Variants in DCHS2 observed in about 807,000 individuals in gnomAD.
The protein encoded by DCHS2 is dachsous cadherin-related 2.
A neutral mutation model predicts 182.4 loss-of-function variants in DCHS2; 142 were observed. The observed-to-expected ratio is 0.78, with a 90% CI of 0.68 to 0.89. The LOEUF is 0.89. DCHS2 is among the 40% of genes least tolerant of loss of function. DCHS2 has a pLI of 0.00. For synonymous variants in DCHS2, 1,740 were observed against 1,663.3 expected, an observed-to-expected ratio of 1.05 and a Z score of -1.12; for missense variants, 4,319 against 4,198.6, an observed-to-expected ratio of 1.03 and a Z score of -0.79.
chr4:154,245,795 A>C (rs973707176), intron 16 of DCHS2, among the ~76,000 whole-genome samples: 5 of 152,310 alleles, frequency 3.3e-5, no homozygotes, highest in Admixed American at 1.3e-4. Flanking sequence ...ATACAAGCAG[A>C]TTGAAGAGTG....
At chr4:154,391,576 C>T (rs1410993238) in intron 1 of DCHS2, among the ~76,000 whole-genome samples, 1 of 152,146 alleles carries the variant, frequency 6.6e-6, no homozygotes, top group Non-Finnish European at 1.5e-5. Context: ...CAACAAAAGT[C>T]CAGGCAAAAA....
At chr4:154,275,321 G>T (rs1358313962) in intron 13 of DCHS2, among the ~76,000 whole-genome samples, 2 of 152,032 alleles carry the variant, frequency 1.3e-5, no homozygotes, top group African/African-American at 4.8e-5. Flanking sequence ...CAAACATTAT[G>T]CTTAACATAA....
chr4:154,342,214 TA>T (rs33949750), intron 3 of DCHS2, among the ~76,000 whole-genome samples: 11 of 150,632 alleles, frequency 7.3e-5, no homozygotes, highest in East Asian at 1.9e-4. Flanking sequence ...ATTTTATTGG[TA>T]AAAAAAAAAG....
At chr4:154,391,942 C>T (rs1731726280) in intron 1 of DCHS2, among the ~76,000 whole-genome samples, 1 of 152,132 alleles carries the variant, frequency 6.6e-6, no homozygotes, top group South Asian at 2.1e-4. Flanking sequence ...ATCTGAATAA[C>T]ATACCCCAGG....
At chr4:154,328,253 G>A in intron 6 of DCHS2, 61 bp from the exon 7 acceptor site, 3 of 1,225,030 alleles carry the variant, frequency 2.4e-6, no homozygotes, top group Non-Finnish European at 3.5e-6. Context: ...AAATATCAGT[G>A]GACCTTTAAA....
intron 1 of DCHS2, among the ~76,000 whole-genome samples, chr4:154,458,461 A>G (rs1206992533): frequency 6.6e-6 from 1 of 152,180 alleles, no homozygotes; most frequent in African/African-American, 2.4e-5. Context: ...TCATTATATC[A>G]TATAAGCACC....
chr4:154,473,883 A>G (rs1735579858), intron 1 of DCHS2, among the ~76,000 whole-genome samples: 1 of 152,226 alleles, frequency 6.6e-6, no homozygotes, highest in African/African-American at 2.4e-5. Flanking sequence ...AAGAGGGGCT[A>G]TATTCATTTC....
chr4:154,323,258 T>C (rs1378721370), intron 7 of DCHS2: 3 of 1,549,310 alleles, frequency 1.9e-6, no homozygotes, highest in East Asian at 2.4e-5. Context: ...ATTTTGTTTG[T>C]TTGTTTGTTT....
At chr4:154,483,774 G>C (rs1736011524) in intron 1 of DCHS2, among the ~76,000 whole-genome samples, 2 of 151,668 alleles carry the variant, frequency 1.3e-5, no homozygotes, top group South Asian at 4.1e-4. Context: ...CAAGCACATA[G>C]CATTATCATC....
rs759378820 is a variant in DCHS2 at position 154,335,092 on chromosome 4, A to G, written c.2489T>C (p.Leu830Ser). Residue 830 changes from leucine (L) to serine (S), a missense_variant, in exon 4 of 20, where the codon TTA (leucine) becomes TCA (serine). By Grantham distance (145) the Leu-to-Ser change is moderately radical. Coordinates refer to ENST00000357232, the MANE Select transcript of DCHS2 (RefSeq NM_001358235.2). The part of the protein sequence containing the change: ...TIDSTTGIIY[L>S]TLPLSHLEST... ...TTCCAAATGACTAAGAGGTAATGTT[A>G]AGTAAATAATTCCTGGGTAGGGAAA... The G allele has an allele frequency of 6.2e-7, 1 of 1,603,066 alleles. No homozygotes were observed. Among genetic ancestry groups the G allele is most frequent in the Admixed American group, 1.7e-5 (1 of 60,012 alleles).
At chr4:154,376,618 T>C (rs1175213802) in intron 2 of DCHS2, among the ~76,000 whole-genome samples, 1 of 152,206 alleles carries the variant, frequency 6.6e-6, no homozygotes, top group African/African-American at 2.4e-5. Flanking sequence ...AAAGCTACCA[T>C]TTTTCAACCT....
intron 1 of DCHS2, among the ~76,000 whole-genome samples, chr4:154,430,785 A>G (rs35418965): frequency 0.51 from 77,130 of 151,516 alleles, 20,765 homozygotes; most frequent in Middle Eastern, 0.67. Flanking sequence ...TCATCTTTTC[A>G]CTCTAAATTC....
intron 1 of DCHS2, among the ~76,000 whole-genome samples, chr4:154,433,814 C>T (rs1370125816): frequency 6.6e-6 from 1 of 152,230 alleles, no homozygotes; most frequent in Non-Finnish European, 1.5e-5. Context: ...CTCCAGGCCA[C>T]CTTCTATCTC....
At chr4:154,259,989 A>T (rs1049755779) in intron 14 of DCHS2, among the ~76,000 whole-genome samples, 1 of 151,832 alleles carries the variant, frequency 6.6e-6, no homozygotes, top group African/African-American at 2.4e-5. Context: ...TGCCCAGCCA[A>T]TTTTTTGTAT....
chr4:154,390,102 A>AT (rs1560729365), intron 1 of DCHS2, among the ~76,000 whole-genome samples: 1 of 132,186 alleles, frequency 7.6e-6, no homozygotes, highest in Non-Finnish European at 1.7e-5. Flanking sequence ...TATTTTTTTA[A>AT]ATTTTTTTAT....
At chr4:154,378,237 C>G (rs1346473236) in intron 1 of DCHS2, among the ~76,000 whole-genome samples, 1 of 152,050 alleles carries the variant, frequency 6.6e-6, no homozygotes, top group Non-Finnish European at 1.5e-5. Context: ...TATGAAAGCA[C>G]TTAACTTATT....
intron 3 of DCHS2, among the ~76,000 whole-genome samples, chr4:154,347,796 C>G (rs1315184330): frequency 6.6e-6 from 1 of 151,778 alleles, no homozygotes; most frequent in Non-Finnish European, 1.5e-5. Flanking sequence ...AAGAGCTGAC[C>G]AGTGGCCAAT....
Position 154,236,496 on chromosome 4 carries a change from G to GTGT in DCHS2, c.8153_8155dup (p.Asn2718dup). ...AGGTTTAATCAAATAAAGAACTCCA[G>GTGT]TGTTTTCTTCTAAGTAAAAATGTCC... On this transcript the variant is annotated inframe_insertion, in exon 20 of 20. Coordinates refer to ENST00000357232, the MANE Select transcript of DCHS2 (RefSeq NM_001358235.2). 4 of 1,614,004 alleles carry GTGT rather than the reference G, an allele frequency of 2.5e-6. No homozygotes were observed. The highest frequency in any genetic ancestry group is 3.4e-6 in the Non-Finnish European group (4 of 1,179,956).
Position 154,304,803 on chromosome 4 carries a change from T to A in DCHS2, c.5471A>T (p.Asp1824Val). 1 of 1,613,906 alleles carries A rather than the reference T, an allele frequency of 6.2e-7. No individual in the cohort carries two copies. The highest frequency in any genetic ancestry group is 8.5e-7 in the Non-Finnish European group (1 of 1,179,928). Reference protein sequence around the residue: ...TILCTVEDENDHAPEFIVSSY... With the variant: ...TILCTVEDENVHAPEFIVSSY... ...GGAAACAATAAACTCTGGTGCGTGA[T>A]CGTTTTCATCTTCAACAGTGCAGAG... The change falls in exon 12 of 20, where the codon GAT (aspartate) becomes GTT (valine). Residue 1824 changes from aspartate (D) to valine (V), a missense_variant. By Grantham distance (152) the Asp-to-Val change is radical (BLOSUM62 -3). Transcript: ENST00000357232.
Sources: gnomAD v4.1 joint callset for allele counts (sites outside exome capture counted in the v4.1 genomes callset) on GRCh38, gnomAD v4.1.1 for gene constraint, MANE v1.5 for transcripts, NCBI Gene and HGNC (gene_info 2026-07-23, HGNC 2026-07-21) for gene names.